The following VAMP7 variants were observed in gnomAD, a reference collection of about 807,000 sequenced individuals.
VAMP7 encodes vesicle-associated membrane protein 7.
VAMP7 carries 14 observed loss-of-function variants against 29.6 expected under a neutral mutation model. The observed-to-expected ratio is 0.47, with a 90% CI of 0.31 to 0.74. VAMP7 has a LOEUF of 0.74. Ranked by LOEUF, VAMP7 falls within the 30% of genes least tolerant of loss-of-function variation. The pLI is 0.05. For missense variants in VAMP7, 223 were observed against 262.4 expected, an observed-to-expected ratio of 0.85 and a Z score of 1.04; for synonymous variants, 95 against 88.1, an observed-to-expected ratio of 1.08 and a Z score of -0.44.
intron 5 of VAMP7, among the ~76,000 whole-genome samples, chrX:155,910,666 A>G (rs2066224754): frequency 6.6e-6 from 1 of 150,458 alleles, no homozygotes; most frequent in Non-Finnish European, 1.5e-5. Context: ...GGGTAACATG[A>G]TATCTCATTT....
chrX:155,885,730 G>C (rs1188340114), intron 1 of VAMP7, among the ~76,000 whole-genome samples: 2 of 152,166 alleles, frequency 1.3e-5, no homozygotes, highest in Non-Finnish European at 2.9e-5. Flanking sequence ...CAGAGGTAAA[G>C]ATTGAAGTGC....
At chrX:155,940,031 C>T (rs2066720646) in intron 7 of VAMP7, among the ~76,000 whole-genome samples, 1 of 150,292 alleles carries the variant, frequency 6.7e-6, no homozygotes, top group Non-Finnish European at 1.5e-5. Flanking sequence ...ATAAAACTGA[C>T]CTCACAGAAA....
Position 155,919,211 on chromosome X carries a change from ATTGTTTTGGTT to A in VAMP7, c.434-596_434-586del, listed in dbSNP as rs772070463. 1.6e-4 allele frequency among the ~76,000 whole-genome samples: 25 copies of A among 152,138 alleles called. No homozygotes were observed. The East Asian group carries it at 4.9e-3, about 30-fold the overall frequency. On this transcript the variant is annotated intron_variant, in intron 5 of 7. Coordinates refer to ENST00000286448, the MANE Select transcript of VAMP7 (RefSeq NM_005638.6). ...CCAGTGAAGCCAGCTGATTCTGGGC[ATTGTTTTGGTT>A]TTGTTGGGAGACTTTATTACTGATT...
intron 6 of VAMP7, among the ~76,000 whole-genome samples, chrX:155,926,807 T>A (rs924259506): frequency 6.6e-6 from 1 of 152,190 alleles, no homozygotes; most frequent in African/African-American, 2.4e-5. Context: ...GTGTGACTTT[T>A]CCTTTCACTT....
rs2066033663 is a variant in VAMP7, at chrX:155,899,570, T to C, written c.343-927T>C. Among the ~76,000 whole-genome samples, 3 of 151,770 alleles carry C rather than the reference T, an allele frequency of 2.0e-5. No individual in the cohort carries two copies. The South Asian group carries it at 6.2e-4, about 32-fold the overall frequency. Reference sequence around the variant, plus strand: ...CACACACACACACGCACACACATACTCTTCTGGCAATAAAGTCCCTTTAAA... The same window carrying C: ...CACACACACACACGCACACACATACCCTTCTGGCAATAAAGTCCCTTTAAA... On this transcript the variant is annotated intron_variant, in intron 4 of 7. Coordinates refer to ENST00000286448, the MANE Select transcript of VAMP7 (RefSeq NM_005638.6).
intron 5 of VAMP7, among the ~76,000 whole-genome samples, chrX:155,901,871 A>G (rs1017141921): frequency 6.6e-6 from 1 of 152,116 alleles, no homozygotes; most frequent in South Asian, 2.1e-4. Context: ...TTTTGGTTCC[A>G]TATGAACTTT....
intron 4 of VAMP7, 42 bp from the exon 5 acceptor site, chrX:155,900,455 A>G (rs1283466728): frequency 2.0e-6 from 3 of 1,480,876 alleles, no homozygotes; most frequent in African/African-American, 1.4e-5. Flanking sequence ...CCTATTGTAA[A>G]TAATGTCTAG....
rs768699851 is a variant in VAMP7, at chrX:155,939,729, A to G, written c.530A>G (p.Asn177Ser). The G allele has an allele frequency of 1.6e-5, 26 of 1,613,922 alleles. No homozygotes were observed. The African/African-American group carries it at 2.4e-4, about 15-fold the overall frequency. ...SSVTFKTTSRNLARAMCMKNL... is the reference protein window; with the variant it reads ...SSVTFKTTSRSLARAMCMKNL... ...GTCACCTTCAAAACTACCAGCAGAA[A>G]TCTTGCTCGAGCCATGTGTATGAAG... Residue 177 changes from asparagine to serine, a missense_variant, in exon 7 of 8, where the codon AAT becomes AGT. Physicochemically the swap from Asn to Ser is conservative, Grantham distance 46. Coordinates refer to ENST00000286448, the MANE Select transcript of VAMP7 (RefSeq NM_005638.6).
intron 2 of VAMP7, among the ~76,000 whole-genome samples, chrX:155,894,201 A>G (rs2065957879): frequency 6.8e-6 from 1 of 147,434 alleles, no homozygotes; most frequent in South Asian, 2.1e-4. Flanking sequence ...ATTCTACTTT[A>G]GTTTATTTCC....
intron 6 of VAMP7, among the ~76,000 whole-genome samples, chrX:155,933,255 T>C (rs373217849): frequency 1.3e-5 from 2 of 152,340 alleles, no homozygotes; most frequent in East Asian, 3.9e-4. Context: ...TTTCTATTGA[T>C]AGGAATAGTT....
intron 5 of VAMP7, among the ~76,000 whole-genome samples, chrX:155,904,261 G>A (rs1602948115): frequency 1.3e-5 from 2 of 150,354 alleles, no homozygotes; most frequent in African/African-American, 2.4e-5. Flanking sequence ...GCTAAATGAC[G>A]AGTTAATGGG....
At chrX:155,937,215 A>T (rs1392454307) in intron 6 of VAMP7, among the ~76,000 whole-genome samples, 5 of 152,162 alleles carry the variant, frequency 3.3e-5, no homozygotes, top group African/African-American at 1.2e-4. Flanking sequence ...AATCTAAAAA[A>T]AATGTTCAGT....
chrX:155,914,028 T>A (rs2066276028), intron 5 of VAMP7, among the ~76,000 whole-genome samples: 1 of 152,172 alleles, frequency 6.6e-6, no homozygotes, highest in South Asian at 2.1e-4. Flanking sequence ...GTGTCCTCTC[T>A]TATTTCCTTG....
chrX:155,925,982 A>G (rs1441427494), intron 6 of VAMP7, among the ~76,000 whole-genome samples: 1 of 151,940 alleles, frequency 6.6e-6, no homozygotes, highest in African/African-American at 2.4e-5. Flanking sequence ...TTTGAAAGGA[A>G]TCTTTTCTTT....
At chrX:155,926,399 T>A (rs111876352) in intron 6 of VAMP7, among the ~76,000 whole-genome samples, 1 of 152,220 alleles carries the variant, frequency 6.6e-6, no homozygotes, top group East Asian at 1.9e-4. Context: ...TGTACTTTTA[T>A]GTTATAGAGA....
chrX:155,939,552 CTAT>C, intron 6 of VAMP7, 146 bp from the exon 7 acceptor site: 1 of 686,348 alleles, frequency 1.5e-6, no homozygotes, highest in South Asian at 1.8e-5. Flanking sequence ...CTTTTGGCAA[CTAT>C]TGAGTATGAA....
chrX:155,926,716 A>G (rs2124369325), intron 6 of VAMP7, among the ~76,000 whole-genome samples: 1 of 152,324 alleles, frequency 6.6e-6, no homozygotes, highest in South Asian at 2.1e-4. Flanking sequence ...CAGGACACCT[A>G]GCTTTAGGCC....
At chrX:155,904,530 G>A (rs2066119753) in intron 5 of VAMP7, among the ~76,000 whole-genome samples, 1 of 151,896 alleles carries the variant, frequency 6.6e-6, no homozygotes, top group South Asian at 2.1e-4. Flanking sequence ...AACCATTGCT[G>A]CGATCAATTT....
chrX:155,940,453 T>C (rs1459422391), intron 7 of VAMP7, among the ~76,000 whole-genome samples: 1 of 152,196 alleles, frequency 6.6e-6, no homozygotes, highest in Non-Finnish European at 1.5e-5. Flanking sequence ...TCTGTAGATT[T>C]TATACTGGAA....
Sources: allele counts gnomAD v4.1 joint callset (sites outside exome capture counted in the v4.1 genomes callset), GRCh38; gene constraint gnomAD v4.1.1; transcripts MANE v1.5; gene names NCBI Gene and HGNC (gene_info 2026-07-23, HGNC 2026-07-21).